SDK1: variants seen among roughly 807,000 people sequenced by gnomAD.
The protein encoded by SDK1 is protein sidekick-1.
SDK1 carries 157 observed loss-of-function variants against 245.5 expected under a neutral mutation model. The observed-to-expected ratio is 0.64, with a 90% CI of 0.56 to 0.73. The LOEUF (loss-of-function observed/expected upper bound fraction) is 0.73, where lower values mean the gene tolerates loss of function less well. Ranked by LOEUF, SDK1 falls within the 30% of genes least tolerant of loss-of-function variation. The pLI is 0.00. For synonymous variants in SDK1, 1,647 were observed against 1,278.5 expected (o/e 1.29, Z -6.15); for missense variants, 3,583 against 3,002.3 (o/e 1.19, Z -4.52).
intron 35 of SDK1, among the ~76,000 whole-genome samples, chr7:4,203,533 T>TAAAA (rs10541704): frequency 1.7e-4 from 25 of 148,698 alleles, no homozygotes; most frequent in South Asian, 1.1e-3. Context: ...ATTTTTTTTT[T>TAAAA]AAAAAAAAAA....
At chr7:3,709,637 A>C (rs1025052541) in intron 4 of SDK1, among the ~76,000 whole-genome samples, 4 of 152,218 alleles carry the variant, frequency 2.6e-5, no homozygotes, top group African/African-American at 7.2e-5. Context: ...GTCTCTGCAG[A>C]CTATTTTTTC....
chr7:3,620,724 T>C (rs903318516), intron 2 of SDK1, among the ~76,000 whole-genome samples: 1 of 152,122 alleles, frequency 6.6e-6, no homozygotes, highest in Non-Finnish European at 1.5e-5. Flanking sequence ...AGCAGGCGGC[T>C]GAGCAGAGCT....
At chr7:3,967,456 C>A in intron 10 of SDK1, 22 bp downstream of exon 10, 1 of 1,420,548 alleles carries the variant, frequency 7.0e-7, no homozygotes, top group Non-Finnish European at 1.0e-6. Flanking sequence ...CCACTGCCCA[C>A]AACAGCATGG....
At position 4,052,311 on chromosome 7, in the gene SDK1, A is replaced by G. The variant is rs529076115; in HGVS notation, c.2911+481A>G. Among the ~76,000 whole-genome samples the G allele has an allele frequency of 2.6e-5, 4 of 152,214 alleles. No homozygotes were observed. In the South Asian group the frequency reaches 8.3e-4, roughly 32 times the overall value. On this transcript the variant is annotated intron_variant, in intron 19 of 44. Transcript: ENST00000404826. Reference sequence around the variant, plus strand: ...GCCACTCCTTCTCTGCTCACAGGCCAGCTGACGCATCTGGAAAACGTTAGC... The same window carrying G: ...GCCACTCCTTCTCTGCTCACAGGCCGGCTGACGCATCTGGAAAACGTTAGC...
chr7:3,764,626 G>A (rs182598149), intron 4 of SDK1, among the ~76,000 whole-genome samples: 47 of 152,124 alleles, frequency 3.1e-4, no homozygotes, highest in Non-Finnish European at 5.4e-4. Flanking sequence ...AGGTTGCAGC[G>A]AGCAGGGATT....
At chr7:3,326,421 C>T (rs896551578) in intron 1 of SDK1, among the ~76,000 whole-genome samples, 1 of 152,150 alleles carries the variant, frequency 6.6e-6, no homozygotes, top group Non-Finnish European at 1.5e-5. Context: ...GTTTAGTTTA[C>T]TCTGATATCA....
intron 2 of SDK1, among the ~76,000 whole-genome samples, chr7:3,634,851 C>T (rs1213684461): frequency 2.0e-5 from 3 of 152,098 alleles, no homozygotes; most frequent in African/African-American, 7.2e-5. Flanking sequence ...GAAAGCAGTT[C>T]TATTTTTGGG....
At chr7:3,901,409 A>T (rs1376165111) in intron 5 of SDK1, among the ~76,000 whole-genome samples, 1 of 152,004 alleles carries the variant, frequency 6.6e-6, no homozygotes, top group African/African-American at 2.4e-5. Context: ...GATGGTCTCG[A>T]TCTCTTGACC....
chr7:3,727,329 G>A (rs1779039784), intron 4 of SDK1, among the ~76,000 whole-genome samples: 1 of 152,156 alleles, frequency 6.6e-6, no homozygotes, highest in Middle Eastern at 3.2e-3. Context: ...CCCTTAATAG[G>A]AAGTGGTTTC....
rs188568960 is a variant in SDK1, at chr7:3,382,257, C to T, written c.298+80373C>T. On this transcript the variant is annotated intron_variant, in intron 1 of 44. Coordinates refer to ENST00000404826, the MANE Select transcript of SDK1 (RefSeq NM_152744.4). ...AAGTGCTGGGATTACAGGCATGAAC[C>T]ATAGCACCCACCCTTTATCCCCATT... Among the ~76,000 whole-genome samples, 168 of 152,212 alleles carry T rather than the reference C, an allele frequency of 1.1e-3. 1 individual carries two copies. The highest frequency in any genetic ancestry group is 3.9e-3 in the African/African-American group (160 of 41,526).
At chr7:4,070,800 C>T (rs1300895659) in intron 20 of SDK1, among the ~76,000 whole-genome samples, 1 of 151,818 alleles carries the variant, frequency 6.6e-6, no homozygotes, top group Non-Finnish European at 1.5e-5. Context: ...ACCTCTGCCT[C>T]CTGGGTTCAA....
intron 1 of SDK1, among the ~76,000 whole-genome samples, chr7:3,464,053 C>T (rs1176444310): frequency 2.6e-5 from 4 of 152,100 alleles, no homozygotes; most frequent in African/African-American, 4.8e-5. Context: ...TAATCAAAAT[C>T]GTTGTATATT....
At chr7:3,470,063 C>T (rs181323941) in intron 1 of SDK1, among the ~76,000 whole-genome samples, 1 of 152,084 alleles carries the variant, frequency 6.6e-6, no homozygotes, top group African/African-American at 2.4e-5. Context: ...TTAACACTAG[C>T]AGGGTCTGTG....
At chr7:3,899,646 G>A (rs1781715681) in intron 5 of SDK1, among the ~76,000 whole-genome samples, 1 of 152,310 alleles carries the variant, frequency 6.6e-6, no homozygotes, top group South Asian at 2.1e-4. Flanking sequence ...GCTCAGCCAG[G>A]TCCAAGCTGC....
At position 4,210,370 on chromosome 7, in the gene SDK1, C is replaced by G. The variant is rs116091733; in HGVS notation, c.5539+208C>G. ...GCGGGGAAAGGCCTGTGAGGAAAAG[C>G]TGAGCCAAGACCAGACCTCTGTGTT... On this transcript the variant is annotated intron_variant, in intron 38 of 44. Transcript: ENST00000404826. Among the ~76,000 whole-genome samples the G allele has an allele frequency of 0.035, 5,393 of 152,294 alleles. 111 individuals carry two copies. The highest frequency in any genetic ancestry group is 0.045 in the South Asian group (216 of 4,822).
intron 1 of SDK1, among the ~76,000 whole-genome samples, chr7:3,423,599 A>C (rs1455188918): frequency 6.8e-6 from 1 of 147,896 alleles, no homozygotes; most frequent in Non-Finnish European, 1.5e-5. Flanking sequence ...TTTGTTTTTG[A>C]TAAAAAGTAT....
rs114226861 is a variant in SDK1, at chr7:3,481,009, A to T, written c.299-138071A>T. ...TGTGCATTATGTATATAGATTTTGA[A>T]TTTTTTACCTATTCTGACAATACTT... On this transcript the variant is annotated intron_variant, in intron 1 of 44. Coordinates refer to ENST00000404826, the MANE Select transcript of SDK1 (RefSeq NM_152744.4). Among the ~76,000 whole-genome samples the T allele has an allele frequency of 4.1e-3, 620 of 152,130 alleles. 7 individuals are homozygous for T. Among genetic ancestry groups the T allele is most frequent in the African/African-American group, 0.014 (580 of 41,496 alleles).
intron 5 of SDK1, among the ~76,000 whole-genome samples, chr7:3,826,183 A>G (rs1003127546): frequency 6.6e-6 from 1 of 152,208 alleles, no homozygotes; most frequent in African/African-American, 2.4e-5. Flanking sequence ...TAAACACACC[A>G]TCAGGAAACA....
intron 1 of SDK1, among the ~76,000 whole-genome samples, chr7:3,425,517 T>C (rs892761489): frequency 6.6e-6 from 1 of 152,220 alleles, no homozygotes; most frequent in African/African-American, 2.4e-5. Context: ...TTAGATACTT[T>C]AGAATTCATC....
Sources: allele counts gnomAD v4.1 joint callset (sites outside exome capture counted in the v4.1 genomes callset), GRCh38; gene constraint gnomAD v4.1.1; transcripts MANE v1.5; gene names NCBI Gene and HGNC (gene_info 2026-07-23, HGNC 2026-07-21).